COX18: variants seen among roughly 807,000 people sequenced by gnomAD.
COX18 encodes the protein cytochrome c oxidase assembly protein COX18, mitochondrial.
In COX18, 45 loss-of-function variants were observed where a neutral mutation model predicts 38.0. That is an observed-to-expected ratio of 1.18 (90% CI 0.93 to 1.52). The LOEUF (loss-of-function observed/expected upper bound fraction) is 1.52, where lower values mean the gene tolerates loss of function less well. COX18 is among the 40% of genes most tolerant of loss of function. The pLI is 0.00. For missense variants in COX18, 462 were observed against 423.8 expected, an observed-to-expected ratio of 1.09 and a Z score of -0.79; for synonymous variants, 177 against 169.8, an observed-to-expected ratio of 1.04 and a Z score of -0.33.
intron 1 of COX18, 69 bp downstream of exon 1, chr4:73,069,248 G>T: frequency 8.5e-7 from 1 of 1,182,840 alleles, no homozygotes; most frequent in Non-Finnish European, 1.2e-6. Context: ...AAAACCCTGA[G>T]TGAATGTCGG....
At chr4:73,064,987 T>A (rs1216220530) in intron 3 of COX18, 85 bp from the exon 4 acceptor site, 1 of 1,329,680 alleles carries the variant, frequency 7.5e-7, no homozygotes, top group Admixed American at 2.0e-5. Flanking sequence ...AGTCTGACAA[T>A]TCCAATAAGG....
At chr4:73,068,186 T>C in intron 1 of COX18, 57 bp from the exon 2 acceptor site, 1 of 1,041,492 alleles carries the variant, frequency 9.6e-7, no homozygotes, top group East Asian at 2.6e-5. Context: ...TCATAATGAC[T>C]CATAATCTTT....
rs1484127791 is a variant in COX18 at position 73,055,299 on chromosome 4, A to T, written c.*2815T>A. 1.3e-5 allele frequency: 2 copies of T among 152,210 alleles called. No individual in the cohort carries two copies. The highest frequency in any genetic ancestry group is 3.9e-4 in the East Asian group (2 of 5,192). The allele number at this position is 152,210 out of a possible 1,614,324, so 9.4% of individuals were successfully genotyped here. A position where few individuals can be genotyped will look rare whatever the true frequency, so the allele number is the denominator to read the frequency against. On this transcript the variant is annotated 3_prime_UTR_variant, in exon 6 of 6. Transcript: ENST00000507544. ...GCTGCAAATATAGTCAATTTGCATT[A>T]TTTGTGGTACTTATGTTCCATAAAG...
chr4:73,067,868 T>A (rs370855277), intron 2 of COX18, among the ~76,000 whole-genome samples, 161 bp downstream of exon 2: 109 of 25,476 alleles, frequency 4.3e-3, no homozygotes, highest in Middle Eastern at 0.019. Context: ...AAAAAAAATA[T>A]ATATATATAT....
chr4:73,065,385 G>A lies in COX18; in HGVS notation c.463C>T (p.Leu155=). 6.2e-7 allele frequency: 1 copy of A among 1,613,282 alleles called. No homozygotes were observed. Among genetic ancestry groups the A allele is most frequent in the Non-Finnish European group, 8.5e-7 (1 of 1,179,578 alleles). Residue 155 remains leucine, a synonymous_variant, in exon 3 of 6, where the codon CTA becomes TTA. Transcript: ENST00000507544. ...RLTYLKNMRR[L]ISELYVRDNC... is the part of the protein sequence containing the mutation. The stretch of plus-strand genomic sequence containing the variant: ...TCTCGCACATATAGCTCTGAAATTA[G>A]CCTCCTCATATTCTTTAGATAAGTG...
At chr4:73,066,140 T>C (rs535788548) in intron 2 of COX18, among the ~76,000 whole-genome samples, 110 of 152,222 alleles carry the variant, frequency 7.2e-4, no homozygotes, top group Non-Finnish European at 1.2e-3. Context: ...TTATAGTGTA[T>C]AATAAGACAG....
At position 73,069,594 on chromosome 4, in the gene COX18, C is replaced by G; in HGVS notation, c.56G>C (p.Trp19Ser). 6.4e-7 allele frequency: 1 copy of G among 1,558,880 alleles called. No homozygotes were observed. Among genetic ancestry groups the G allele is most frequent in the South Asian group, 1.2e-5 (1 of 85,512 alleles). Residue 19 changes from tryptophan (W) to serine (S), a missense_variant, in exon 1 of 6, where the codon TGG (tryptophan) becomes TCG (serine). Physicochemically the swap from Trp to Ser is radical, Grantham distance 177. Transcript: ENST00000507544. ...CGGCGCAAGCGGCAGGTCCCTAGCCCAAAGCTGCAGGGCAGGGAGCGGCCG... is the reference window on the plus strand; with the variant it reads ...CGGCGCAAGCGGCAGGTCCCTAGCCGAAAGCTGCAGGGCAGGGAGCGGCCG... ...WLRPLPALQL[W>S]ARDLPLAPVP...
At position 73,057,674 on chromosome 4, in the gene COX18, C is replaced by G. The variant is rs1719960126; in HGVS notation, c.*440G>C. On this transcript the variant is annotated 3_prime_UTR_variant, in exon 6 of 6. Coordinates refer to ENST00000507544, the MANE Select transcript of COX18 (RefSeq NM_001297732.2). ...ACTGTCAAATATATCTGGATTACAT[C>G]TTTTTTTTTTCTTTGATAGCGTTTC... is the stretch of plus-strand genomic sequence containing the variant. 6.7e-6 allele frequency: 1 copy of G among 150,214 alleles called. No individual in the cohort carries two copies. The highest frequency in any genetic ancestry group is 2.1e-4 in the South Asian group (1 of 4,744). 9.3% of individuals were successfully genotyped at this position (150,214 alleles called of 1,614,324 possible).
rs140278299 is a variant in COX18, at chr4:73,069,686, C to T, written c.-37G>A. 2.8e-3 allele frequency: 4,322 copies of T among 1,530,896 alleles called. 9 individuals carry two copies. Among genetic ancestry groups the T allele is most frequent in the Non-Finnish European group, 3.3e-3 (3,754 of 1,142,110 alleles). The allele number at this position is 1,530,896 out of a possible 1,614,324, so 94.8% of individuals were successfully genotyped here. Reference sequence around the variant, plus strand: ...GGCGGAGCCCAGATCCCGGGCCTCACAATCCAGCGGACATACACCGGCCAG... The same window carrying T: ...GGCGGAGCCCAGATCCCGGGCCTCATAATCCAGCGGACATACACCGGCCAG... On this transcript the variant is annotated 5_prime_UTR_variant, in exon 1 of 6. The change creates a new upstream start codon in the 5' untranslated region. Transcript: ENST00000507544.
chr4:73,069,389 C>G lies in COX18; in HGVS notation c.261G>C (p.Leu87=). The G allele has an allele frequency of 3.2e-6, 5 of 1,563,386 alleles. No homozygotes were observed. Among genetic ancestry groups the G allele is most frequent in the Non-Finnish European group, 4.3e-6 (5 of 1,154,844 alleles). The change falls in exon 1 of 6, where the codon CTG becomes CTC. Residue 87 remains leucine (L), a synonymous_variant. Transcript: ENST00000507544. The part of the protein sequence containing the change: ...ATGLPWWGSI[L]LSTVALRGAV... ...CACCCCGTAAGGCCACGGTGGAGAGCAGAATGCTGCCCCACCAGGGCAGGC... is the reference window on the plus strand; with the variant it reads ...CACCCCGTAAGGCCACGGTGGAGAGGAGAATGCTGCCCCACCAGGGCAGGC...
Position 73,068,116 on chromosome 4 carries a change from T to C in COX18, c.347A>G (p.Gln116Arg). 6.2e-7 allele frequency: 1 copy of C among 1,608,080 alleles called. No individual in the cohort carries two copies. Residue 116 changes from glutamine (Q) to arginine (R), a missense_variant, in exon 2 of 6, where the codon CAG becomes CGG. Gln to Arg is a conservative substitution (Grantham distance 43). Transcript: ENST00000507544. ...CCTGGCAATAGTTTTTATTTCTGGC[T>C]GCAAATTTTCCACCTAGCTAAAAAA... ...HYILAKVENL[Q>R]PEIKTIARHL... is the part of the protein sequence containing the mutation.
rs1719907048 is a variant in COX18, at chr4:73,056,854, CTCACGCCTGT to C, written c.*1250_*1259del. 6.6e-6 allele frequency: 1 copy of C among 152,378 alleles called. No homozygotes were observed. Among genetic ancestry groups the C allele is most frequent in the African/African-American group, 2.4e-5 (1 of 41,460 alleles). 9.4% of individuals were successfully genotyped at this position (152,378 alleles called of 1,614,324 possible). A position where few individuals can be genotyped will look rare whatever the true frequency, so the allele number is the denominator to read the frequency against. On this transcript the variant is annotated 3_prime_UTR_variant, in exon 6 of 6. Coordinates refer to ENST00000507544, the MANE Select transcript of COX18 (RefSeq NM_001297732.2). Reference sequence around the variant, plus strand: ...GAAACATCTCAGCTGGGCACAGTGGCTCACGCCTGTAATCCCAGCACTTTGGGAGGCCAAG... The same window carrying C: ...GAAACATCTCAGCTGGGCACAGTGGCAATCCCAGCACTTTGGGAGGCCAAG...
At position 73,066,766 on chromosome 4, in the gene COX18, A is replaced by C. The variant is rs190346206; in HGVS notation, c.434+1263T>G. 3.9e-5 allele frequency among the ~76,000 whole-genome samples: 6 copies of C among 152,308 alleles called. No homozygotes were observed. The East Asian group carries it at 1.2e-3, about 29-fold the overall frequency. ...TTGATAAGTAAAATTTCAAACCTAT[A>C]GGTCAACTTTTAATTTTTACCAAAT... On this transcript the variant is annotated intron_variant, in intron 2 of 5. Coordinates refer to ENST00000507544, the MANE Select transcript of COX18 (RefSeq NM_001297732.2).
chr4:73,058,328 C>T (rs1404884758), intron 5 of COX18, 41 bp from the exon 6 acceptor site: 22 of 1,421,132 alleles, frequency 1.5e-5, no homozygotes, highest in East Asian at 2.3e-5. Context: ...TGTAATTCTA[C>T]AAGGACATCA....
Position 73,058,034 on chromosome 4 carries a change from G to A in COX18, c.*80C>T, listed in dbSNP as rs1719976367. 1.0e-6 allele frequency: 1 copy of A among 973,466 alleles called. No homozygotes were observed. Among genetic ancestry groups the A allele is most frequent in the South Asian group, 1.6e-5 (1 of 61,330 alleles). 60.3% of individuals were successfully genotyped at this position (973,466 alleles called of 1,614,324 possible). A position where few individuals can be genotyped will look rare whatever the true frequency, so the allele number is the denominator to read the frequency against. On this transcript the variant is annotated 3_prime_UTR_variant, in exon 6 of 6. Coordinates refer to ENST00000507544, the MANE Select transcript of COX18 (RefSeq NM_001297732.2). Reference sequence around the variant, plus strand: ...ATGATTTTAAATAAAAGGAAATCAAGTAACATCTGAATTTCTAAGTCTAAA... The same window carrying A: ...ATGATTTTAAATAAAAGGAAATCAAATAACATCTGAATTTCTAAGTCTAAA...
At chr4:73,069,279 T>G in intron 1 of COX18, 38 bp downstream of exon 1, 1 of 1,421,196 alleles carries the variant, frequency 7.0e-7, no homozygotes, top group Non-Finnish European at 9.3e-7. Context: ...CCGCAGGGGT[T>G]GCAGCGCAGG....
chr4:73,062,813 G>C (rs1051991535), intron 4 of COX18, among the ~76,000 whole-genome samples: 3 of 151,236 alleles, frequency 2.0e-5, no homozygotes, highest in African/African-American at 7.3e-5. Context: ...CTCCAGCCTG[G>C]GTGACAGAGT....
rs1194752142 is a variant in COX18, at chr4:73,069,628, G to A, written c.22C>T (p.Arg8Trp). MLCRLGG[R>W]WLRPLPALQL... ...AGGGCAGGGAGCGGCCGCAGCCACC[G>A]ACCGCCGAGCCGGCACAGCATTTCT... The change falls in exon 1 of 6, where the codon CGG becomes TGG. Residue 8 changes from arginine (R) to tryptophan (W), a missense_variant. By Grantham distance (101) the Arg-to-Trp change is moderately radical. Transcript: ENST00000507544. 3 of 1,548,462 alleles carry A rather than the reference G, an allele frequency of 1.9e-6. No homozygotes were observed. Among genetic ancestry groups the A allele is most frequent in the South Asian group, 1.2e-5 (1 of 85,102 alleles).
chr4:73,065,453 T>C (rs2306057), intron 2 of COX18, 40 bp from the exon 3 acceptor site: 205,588 of 1,542,074 alleles, frequency 0.13, 16,812 homozygotes, highest in African/African-American at 0.39. Context: ...AAAGAGAAAA[T>C]GTCATCTAAG....
Sources: allele counts gnomAD v4.1 joint callset (sites outside exome capture counted in the v4.1 genomes callset), GRCh38; gene constraint gnomAD v4.1.1; transcripts MANE v1.5; gene names NCBI Gene and HGNC (gene_info 2026-07-23, HGNC 2026-07-21).